The following CSMD1 variants were observed in gnomAD, a reference collection of about 807,000 sequenced individuals.
The protein encoded by CSMD1 is CUB and sushi domain-containing protein 1.
In CSMD1, 213 loss-of-function variants were observed where a neutral mutation model predicts 417.5. That is an observed-to-expected ratio of 0.51 (90% CI 0.46 to 0.57). The LOEUF (loss-of-function observed/expected upper bound fraction) is 0.57. Ranked by LOEUF, CSMD1 falls within the 20% of genes least tolerant of loss-of-function variation. The pLI, the probability that CSMD1 is intolerant of heterozygous loss-of-function variation, is 0.00. For missense variants in CSMD1, 6,923 were observed against 4,529.7 expected, an observed-to-expected ratio of 1.53 and a Z score of -15.17; for synonymous variants, 2,862 against 1,736.8, an observed-to-expected ratio of 1.65 and a Z score of -16.11.
intron 2 of CSMD1, among the ~76,000 whole-genome samples, chr8:4,635,831 A>C (rs1470976666): frequency 6.6e-6 from 1 of 152,086 alleles, no homozygotes; most frequent in Non-Finnish European, 1.5e-5. Flanking sequence ...TAAGACCATA[A>C]ATGTAATAAA....
At chr8:4,212,481 C>T (rs1321227092) in intron 3 of CSMD1, among the ~76,000 whole-genome samples, 2 of 151,900 alleles carry the variant, frequency 1.3e-5, no homozygotes, top group Admixed American at 6.6e-5. Flanking sequence ...TTCAGACTGG[C>T]AGATGGAAGC....
intron 3 of CSMD1, among the ~76,000 whole-genome samples, chr8:4,241,211 C>A (rs1013285378): frequency 6.6e-6 from 1 of 152,196 alleles, no homozygotes; most frequent in East Asian, 1.9e-4. Context: ...AAGTCCATGA[C>A]TTGTAGCACA....
intron 54 of CSMD1, among the ~76,000 whole-genome samples, chr8:2,982,343 G>A (rs188073186): frequency 1.3e-3 from 196 of 152,204 alleles, no homozygotes; most frequent in African/African-American, 4.2e-3. Flanking sequence ...GTGACAGAGC[G>A]AGACTCTGTC....
intron 5 of CSMD1, among the ~76,000 whole-genome samples, chr8:3,837,774 GTTTTC>G: frequency 6.6e-6 from 1 of 151,300 alleles, no homozygotes; most frequent in Non-Finnish European, 1.5e-5. Flanking sequence ...TTCCATCTTT[GTTTTC>G]TCAGACTGCA....
chr8:3,280,436 T>A (rs1019097603), intron 26 of CSMD1, among the ~76,000 whole-genome samples: 3 of 152,192 alleles, frequency 2.0e-5, no homozygotes, highest in Non-Finnish European at 2.9e-5. Context: ...CCACTCTAAG[T>A]TTTTATATCT....
chr8:3,318,851 CT>C (rs1378552396), intron 23 of CSMD1, among the ~76,000 whole-genome samples: 1 of 152,152 alleles, frequency 6.6e-6, no homozygotes, highest in Non-Finnish European at 1.5e-5. Flanking sequence ...AAGGAGCCCC[CT>C]GTGCTTTCCA....
At chr8:3,562,523 T>C (rs760096674) in intron 10 of CSMD1, among the ~76,000 whole-genome samples, 3 of 152,142 alleles carry the variant, frequency 2.0e-5, no homozygotes, top group African/African-American at 7.2e-5. Flanking sequence ...CCAAAATTTA[T>C]TTTAGCCTGC....
intron 3 of CSMD1, among the ~76,000 whole-genome samples, chr8:4,391,345 G>C (rs1462268189): frequency 1.3e-5 from 2 of 152,154 alleles, no homozygotes; most frequent in Non-Finnish European, 2.9e-5. Flanking sequence ...TGACTGAGCT[G>C]AGCTATGGAC....
At chr8:4,904,671 C>A (rs1805119620) in intron 1 of CSMD1, among the ~76,000 whole-genome samples, 1 of 152,088 alleles carries the variant, frequency 6.6e-6, no homozygotes, top group Admixed American at 6.5e-5. Flanking sequence ...TGAGCCTGTC[C>A]TTGTTAAGTA....
chr8:3,073,187 A>C (rs751912665), intron 49 of CSMD1, among the ~76,000 whole-genome samples: 1 of 152,200 alleles, frequency 6.6e-6, no homozygotes, highest in Non-Finnish European at 1.5e-5. Context: ...TGATATGAAA[A>C]CATATTATTG....
chr8:4,281,111 C>T (rs756985143), intron 3 of CSMD1, among the ~76,000 whole-genome samples: 32 of 152,272 alleles, frequency 2.1e-4, no homozygotes, highest in Non-Finnish European at 4.0e-4. Context: ...GGTATGAGGC[C>T]TCTGCTGGCC....
intron 5 of CSMD1, among the ~76,000 whole-genome samples, chr8:3,994,295 G>A (rs1173320460): frequency 6.6e-6 from 1 of 151,940 alleles, no homozygotes; most frequent in Non-Finnish European, 1.5e-5. Flanking sequence ...CTCCCTCAGT[G>A]TTCCCAGCCA....
At chr8:3,589,283 C>T (rs1800738752) in intron 8 of CSMD1, among the ~76,000 whole-genome samples, 1 of 152,080 alleles carries the variant, frequency 6.6e-6, no homozygotes, top group Non-Finnish European at 1.5e-5. Flanking sequence ...GAGATATCTG[C>T]ACTCTCATAG....
At chr8:4,714,951 G>A (rs561768166) in intron 1 of CSMD1, among the ~76,000 whole-genome samples, 5 of 152,156 alleles carry the variant, frequency 3.3e-5, no homozygotes, top group African/African-American at 1.2e-4. Flanking sequence ...GAATTCTGCT[G>A]CTGTTTTTGT....
chr8:4,315,215 T>A (rs1012824498), intron 3 of CSMD1, among the ~76,000 whole-genome samples: 2 of 152,154 alleles, frequency 1.3e-5, no homozygotes, highest in Non-Finnish European at 2.9e-5. Flanking sequence ...TGGCACTTTC[T>A]GCTCAAAGGA....
intron 1 of CSMD1, among the ~76,000 whole-genome samples, chr8:4,859,357 C>G (rs185382100): frequency 0.01 from 1,534 of 152,198 alleles, 31 homozygotes; most frequent in African/African-American, 0.035. Context: ...TAGGCATGGG[C>G]AAGGACTTCA....
At chr8:4,736,301 G>A (rs1474960103) in intron 1 of CSMD1, among the ~76,000 whole-genome samples, 3 of 152,080 alleles carry the variant, frequency 2.0e-5, no homozygotes, top group Non-Finnish European at 4.4e-5. Context: ...TGTGTATCCA[G>A]GAAAATTTAG....
chr8:4,845,595 T>G, intron 1 of CSMD1, among the ~76,000 whole-genome samples: 1 of 152,356 alleles, frequency 6.6e-6, no homozygotes, highest in Non-Finnish European at 1.5e-5. Context: ...ATTTATTGGG[T>G]TCCTACCATG....
intron 1 of CSMD1, among the ~76,000 whole-genome samples, chr8:4,667,689 G>A (rs998333877): frequency 6.6e-6 from 1 of 152,140 alleles, no homozygotes; most frequent in East Asian, 1.9e-4. Context: ...GAAATTCAAT[G>A]GATTTTTAAA....
Sources: allele counts gnomAD v4.1 joint callset (sites outside exome capture counted in the v4.1 genomes callset), GRCh38; gene constraint gnomAD v4.1.1; transcripts MANE v1.5; gene names NCBI Gene and HGNC (gene_info 2026-07-23, HGNC 2026-07-21).